The following AK2 variants were observed in gnomAD, a reference collection of about 807,000 sequenced individuals.
AK2 encodes adenylate kinase 2, mitochondrial.
In AK2, 15 loss-of-function variants were observed where a neutral mutation model predicts 24.6. The observed-to-expected ratio is 0.61, with a 90% CI of 0.41 to 0.94. The LOEUF (loss-of-function observed/expected upper bound fraction) is 0.94. Ranked by LOEUF, AK2 falls within the 40% of genes least tolerant of loss-of-function variation. The pLI is 0.00. For synonymous variants in AK2, 102 were observed against 114.0 expected (o/e 0.90, Z 0.67); for missense variants, 257 against 304.1 (o/e 0.85, Z 1.15).
rs147416774 is a variant in AK2 at position 33,028,459 on chromosome 1, C to G, written c.94-3892G>C. On this transcript the variant is annotated intron_variant, in intron 1 of 5. Coordinates refer to ENST00000672715, the MANE Select transcript of AK2 (RefSeq NM_001625.4). ...GTGGTGAGCTGGGATTGAGATCGTG[C>G]CGCTACACTCCAGCCTGGGCAACAA... Among the ~76,000 whole-genome samples, 284 of 151,828 alleles carry G rather than the reference C, an allele frequency of 1.9e-3. 1 individual carries two copies. Among genetic ancestry groups the G allele is most frequent in the African/African-American group, 6.7e-3 (275 of 41,346 alleles).
At chr1:33,016,203 G>C (rs1043408371) in intron 4 of AK2, among the ~76,000 whole-genome samples, 1 of 151,926 alleles carries the variant, frequency 6.6e-6, no homozygotes, top group African/African-American at 2.4e-5. Flanking sequence ...ATATCCTCCT[G>C]TGTACTTTTA....
intron 1 of AK2, among the ~76,000 whole-genome samples, chr1:33,027,661 T>C (rs1639979018): frequency 6.7e-6 from 1 of 150,374 alleles, no homozygotes; most frequent in African/African-American, 2.5e-5. Flanking sequence ...GGCAGAGAAC[T>C]GCTTGAACCC....
intron 4 of AK2, among the ~76,000 whole-genome samples, chr1:33,019,228 C>T (rs1639381822): frequency 6.6e-6 from 1 of 152,172 alleles, no homozygotes; most frequent in African/African-American, 2.4e-5. Context: ...TCATATATGA[C>T]TCTCTGAGGT....
At chr1:33,031,337 C>T in intron 1 of AK2, 1 of 252,352 alleles carries the variant, frequency 4.0e-6, no homozygotes, top group Admixed American at 4.8e-5. Flanking sequence ...TTGCTACTTA[C>T]TACATGTGTG....
Position 33,011,704 on chromosome 1 carries a change from A to G in AK2, c.*1477T>C, listed in dbSNP as rs1435232727. ...TTGTGGTCCTTCATAGCAGTCTGTT[A>G]CTTCATCTGTTTGCCACAAATCAAA... On this transcript the variant is annotated 3_prime_UTR_variant, in exon 6 of 6. Transcript: ENST00000672715. The G allele has an allele frequency of 3.8e-6, 5 of 1,322,356 alleles. No individual in the cohort carries two copies. The highest frequency in any genetic ancestry group is 4.9e-6 in the Non-Finnish European group (5 of 1,012,628). 81.9% of individuals were successfully genotyped at this position (1,322,356 alleles called of 1,614,324 possible).
chr1:33,024,169 A>C (rs550574071), intron 2 of AK2: 22 of 300,870 alleles, frequency 7.3e-5, no homozygotes, highest in Middle Eastern at 1.1e-3. Context: ...AGACTTTGTC[A>C]AAAAAAAAAG....
At chr1:33,015,846 C>T (rs1482523532) in intron 4 of AK2, among the ~76,000 whole-genome samples, 1 of 152,132 alleles carries the variant, frequency 6.6e-6, no homozygotes, top group Non-Finnish European at 1.5e-5. Context: ...GAGATCATAC[C>T]ACTGCACTCC....
intron 4 of AK2, among the ~76,000 whole-genome samples, chr1:33,015,990 G>A (rs1394008894): frequency 7.9e-5 from 12 of 152,042 alleles, no homozygotes; most frequent in Non-Finnish European, 2.9e-5. Flanking sequence ...AGCATATTTT[G>A]GGGGGACAAG....
At chr1:33,031,838 A>G in intron 1 of AK2, 1 of 368,276 alleles carries the variant, frequency 2.7e-6, no homozygotes, top group Non-Finnish European at 5.5e-6. Flanking sequence ...CAAGAAACAT[A>G]CCTTTGGTTT....
At chr1:33,025,279 C>T (rs1257116391) in intron 1 of AK2, among the ~76,000 whole-genome samples, 1 of 151,380 alleles carries the variant, frequency 6.6e-6, no homozygotes, top group African/African-American at 2.4e-5. Context: ...GTATATAATG[C>T]ACTTGGTACA....
In AK2 at chr1:33,009,076, G is replaced by A. The variant is rs1247647721; in HGVS notation, c.*4105C>T. On this transcript the variant is annotated 3_prime_UTR_variant, in exon 6 of 6. Coordinates refer to ENST00000672715, the MANE Select transcript of AK2 (RefSeq NM_001625.4). ...TAACACCTGAAAATGACTCTGCACA[G>A]GTGAGGAAGTGGAGCAGAAGAGGGA... 1 of 454,082 alleles carries A rather than the reference G, an allele frequency of 2.2e-6. No individual in the cohort carries two copies. Among genetic ancestry groups the A allele is most frequent in the South Asian group, 1.6e-5 (1 of 64,472 alleles). The allele number at this position is 454,082 out of a possible 1,614,324, so 28.1% of individuals were successfully genotyped here. A position where few individuals can be genotyped will look rare whatever the true frequency, so the allele number is the denominator to read the frequency against.
rs771479963 is a variant in AK2, at chr1:33,013,218, G to T, written c.683C>A (p.Ser228Tyr). Reference protein sequence around the residue: ...VVFASILAAFSKATCKDLVMF... With the variant: ...VVFASILAAFYKATCKDLVMF... Reference sequence around the variant, plus strand: ...AACCAAGTCTTTACATGTGGCTTTGGAGAAGGCTGCTAGGATGCTTGCGAA... The same window carrying T: ...AACCAAGTCTTTACATGTGGCTTTGTAGAAGGCTGCTAGGATGCTTGCGAA... Residue 228 changes from serine to tyrosine, a missense_variant, in exon 6 of 6, where the codon TCC (serine) becomes TAC (tyrosine). Physicochemically the swap from Ser to Tyr is moderately radical, Grantham distance 144 (BLOSUM62 -2). Transcript: ENST00000672715. The T allele has an allele frequency of 6.2e-7, 1 of 1,614,090 alleles. No individual in the cohort carries two copies. The highest frequency in any genetic ancestry group is 8.5e-7 in the Non-Finnish European group (1 of 1,179,938).
At chr1:33,019,008 C>A (rs1475358567) in intron 4 of AK2, among the ~76,000 whole-genome samples, 1 of 152,176 alleles carries the variant, frequency 6.6e-6, no homozygotes, top group African/African-American at 2.4e-5. Flanking sequence ...TACCTTCCTG[C>A]CCCCCAGACC....
At chr1:33,023,960 C>G (rs899308661) in intron 2 of AK2, among the ~76,000 whole-genome samples, 5 of 152,162 alleles carry the variant, frequency 3.3e-5, no homozygotes, top group African/African-American at 1.2e-4. Flanking sequence ...CACCTGAGGT[C>G]AGGAGTTTGA....
At position 33,011,136 on chromosome 1, in the gene AK2, T is replaced by C; in HGVS notation, c.*2045A>G. 7.2e-7 allele frequency: 1 copy of C among 1,390,314 alleles called. No individual in the cohort carries two copies. The highest frequency in any genetic ancestry group is 9.3e-7 in the Non-Finnish European group (1 of 1,070,546). The allele number at this position is 1,390,314 out of a possible 1,614,324, so 86.1% of individuals were successfully genotyped here. A position where few individuals can be genotyped will look rare whatever the true frequency, so the allele number is the denominator to read the frequency against. Reference sequence around the variant, plus strand: ...TGAATCTATGTGGACGGATGACAAATATTTGGGCAAGGATCATGCACATAA... The same window carrying C: ...TGAATCTATGTGGACGGATGACAAACATTTGGGCAAGGATCATGCACATAA... On this transcript the variant is annotated 3_prime_UTR_variant, in exon 6 of 6. Coordinates refer to ENST00000672715, the MANE Select transcript of AK2 (RefSeq NM_001625.4).
Position 33,014,591 on chromosome 1 carries a change from C to G in AK2, c.429G>C (p.Leu143=), listed in dbSNP as rs142517578. The G allele has an allele frequency of 1.1e-4, 171 of 1,610,804 alleles. No homozygotes were observed. In the East Asian group the frequency reaches 3.8e-3, roughly 35 times the overall value. Reference sequence around the variant, plus strand: ...AGGAACGGCCACTCTTGGGGTGAATCAGCCTGAAAGACAGCAAATGAATAT... The same window carrying G: ...AGGAACGGCCACTCTTGGGGTGAATGAGCCTGAAAGACAGCAAATGAATAT... ...SLLIRRITGR[L]IHPKSGRSYH... is the part of the protein sequence containing the mutation. The change falls in exon 5 of 6, where the codon CTG becomes CTC. Residue 143 remains leucine, a synonymous_variant. Coordinates refer to ENST00000672715, the MANE Select transcript of AK2 (RefSeq NM_001625.4).
At position 33,012,058 on chromosome 1, in the gene AK2, A is replaced by G; in HGVS notation, c.*1123T>C. On this transcript the variant is annotated 3_prime_UTR_variant, in exon 6 of 6. Coordinates refer to ENST00000672715, the MANE Select transcript of AK2 (RefSeq NM_001625.4). ...AAACACAGGCAAACATTAAAAATAA[A>G]AGCAAATAAACCTACCCTGGTCTCT... is the stretch of plus-strand genomic sequence containing the variant. 1 of 1,535,456 alleles carries G rather than the reference A, an allele frequency of 6.5e-7. No individual in the cohort carries two copies. The highest frequency in any genetic ancestry group is 1.2e-5 in the South Asian group (1 of 84,056).
chr1:33,019,402 A>G (rs549256453), intron 4 of AK2, among the ~76,000 whole-genome samples: 7 of 152,300 alleles, frequency 4.6e-5, no homozygotes, highest in South Asian at 4.1e-4. Flanking sequence ...TTAGTGCCTA[A>G]GAGACCCCAG....
Position 33,036,773 on chromosome 1 carries a change from A to C in AK2, c.56T>G (p.Val19Gly), listed in dbSNP as rs1296023257. 1 of 1,599,466 alleles carries C rather than the reference A, an allele frequency of 6.3e-7. No homozygotes were observed. Among genetic ancestry groups the C allele is most frequent in the East Asian group, 2.3e-5 (1 of 44,408 alleles). ...EPEYPKGIRA[V>G]LLGPPGAGKG... Reference sequence around the variant, plus strand: ...ACCGGCCCCGGGAGGCCCCAGCAGCACGGCCCGGATGCCTTTAGGATACTC... The same window carrying C: ...ACCGGCCCCGGGAGGCCCCAGCAGCCCGGCCCGGATGCCTTTAGGATACTC... The change falls in exon 1 of 6, where the codon GTG becomes GGG. Residue 19 changes from valine to glycine, a missense_variant. Coordinates refer to ENST00000672715, the MANE Select transcript of AK2 (RefSeq NM_001625.4).
Sources: allele counts gnomAD v4.1 joint callset (sites outside exome capture counted in the v4.1 genomes callset), GRCh38; gene constraint gnomAD v4.1.1; transcripts MANE v1.5; gene names NCBI Gene and HGNC (gene_info 2026-07-23, HGNC 2026-07-21).